RASSF4: variants seen among roughly 807,000 people sequenced by gnomAD.
RASSF4 encodes Ras association domain family member 4.
A neutral mutation model predicts 41.1 loss-of-function variants in RASSF4; 38 were observed. The observed-to-expected ratio is 0.92, with a 90% CI of 0.71 to 1.21. The LOEUF is 1.21. Among genes scored for constraint, RASSF4 ranks in the 50% most tolerant of loss-of-function variants. The pLI, the probability that RASSF4 is intolerant of heterozygous loss-of-function variation, is 0.00. For missense variants in RASSF4, 414 were observed against 419.4 expected (o/e 0.99, Z 0.11); for synonymous variants, 179 against 163.4 (o/e 1.10, Z -0.73).
intron 3 of RASSF4, among the ~76,000 whole-genome samples, chr10:44,975,528 A>C (rs986983785): frequency 3.3e-3 from 108 of 33,052 alleles, no homozygotes; most frequent in Admixed American, 4.8e-3. Context: ...CCCCAGCCCC[A>C]CTCCCCTCTC....
At chr10:44,965,441 T>G (rs770233912) in intron 1 of RASSF4, among the ~76,000 whole-genome samples, 1 of 152,240 alleles carries the variant, frequency 6.6e-6, no homozygotes, top group East Asian at 1.9e-4. Flanking sequence ...GCTAGCCACT[T>G]CTTTCAGGAT....
intron 2 of RASSF4, 159 bp downstream of exon 2, chr10:44,970,423 A>G: frequency 1.6e-6 from 1 of 619,792 alleles, no homozygotes; most frequent in African/African-American, 1.8e-5. Context: ...AGCCTGTCCA[A>G]TAGGGGATCC....
At chr10:44,988,477 G>T (rs1385470448) in intron 6 of RASSF4, among the ~76,000 whole-genome samples, 1 of 151,642 alleles carries the variant, frequency 6.6e-6, no homozygotes. Flanking sequence ...CAGCCAAATT[G>T]TGAAGAAGCT....
In RASSF4 at chr10:44,984,601, GTGACATTGTGACCC is replaced by G. The variant is rs1841846272; in HGVS notation, c.374-211_374-198del. ...CAGAGACCAAGAGGGGTATGGCCAT[GTGACATTGTGACCC>G]AGGTTACCCTGTCTGGGTCTCACCT... On this transcript the variant is annotated intron_variant, in intron 5 of 10. Coordinates refer to ENST00000340258, the MANE Select transcript of RASSF4 (RefSeq NM_032023.4). 5 of 611,544 alleles carry G rather than the reference GTGACATTGTGACCC, an allele frequency of 8.2e-6. No homozygotes were observed. In the African/African-American group the frequency reaches 9.2e-5, roughly 11 times the overall value. The allele number at this position is 611,544 out of a possible 1,614,324, so 37.9% of individuals were successfully genotyped here. A position where few individuals can be genotyped will look rare whatever the true frequency, so the allele number is the denominator to read the frequency against.
chr10:44,987,034 C>G (rs779561140), intron 6 of RASSF4, among the ~76,000 whole-genome samples: 2 of 152,188 alleles, frequency 1.3e-5, no homozygotes, highest in Non-Finnish European at 2.9e-5. Flanking sequence ...GAAAAGGCTT[C>G]GTGCAGAAGA....
chr10:44,966,838 A>G (rs1840921733), intron 1 of RASSF4, among the ~76,000 whole-genome samples: 4 of 152,238 alleles, frequency 2.6e-5, no homozygotes, highest in South Asian at 4.1e-4. Flanking sequence ...TATGACCCCT[A>G]GCTTCTTATG....
intron 3 of RASSF4, among the ~76,000 whole-genome samples, chr10:44,973,591 G>A (rs536200179): frequency 6.6e-6 from 1 of 152,332 alleles, no homozygotes; most frequent in East Asian, 1.9e-4. Context: ...CTGCTGAACC[G>A]AAAACACTTA....
intron 1 of RASSF4, among the ~76,000 whole-genome samples, chr10:44,962,219 C>T: frequency 6.6e-6 from 1 of 152,230 alleles, no homozygotes. Flanking sequence ...AACTCACATG[C>T]AAGGCTCTAC....
intron 3 of RASSF4, chr10:44,977,236 G>T: frequency 2.2e-6 from 2 of 898,570 alleles, no homozygotes; most frequent in Non-Finnish European, 1.7e-6. Flanking sequence ...ATCATATTCA[G>T]AGGGGGTCGG....
At chr10:44,985,055 G>A in intron 6 of RASSF4, 85 bp downstream of exon 6, 2 of 1,456,368 alleles carry the variant, frequency 1.4e-6, no homozygotes, top group Admixed American at 3.8e-5. Flanking sequence ...ACCTGTGTGG[G>A]GGCTGCTGGC....
chr10:44,987,071 T>G (rs937155086), intron 6 of RASSF4, among the ~76,000 whole-genome samples: 1 of 152,208 alleles, frequency 6.6e-6, no homozygotes, highest in African/African-American at 2.4e-5. Context: ...AACAAGACTT[T>G]TTGTCCCTTT....
At chr10:44,987,163 G>A (rs1273205601) in intron 6 of RASSF4, among the ~76,000 whole-genome samples, 1 of 152,160 alleles carries the variant, frequency 6.6e-6, no homozygotes, top group Non-Finnish European at 1.5e-5. Context: ...GGAGTGCAGT[G>A]GCACGATCTG....
At chr10:44,963,085 G>A (rs79986964) in intron 1 of RASSF4, among the ~76,000 whole-genome samples, 3,061 of 152,270 alleles carry the variant, frequency 0.02, 96 homozygotes, top group African/African-American at 0.068. Flanking sequence ...AGGGCAAGGC[G>A]GGAGTGGAGG....
chr10:44,982,397 G>A, intron 3 of RASSF4, 124 bp from the exon 4 acceptor site: 3 of 1,206,096 alleles, frequency 2.5e-6, no homozygotes, highest in Non-Finnish European at 3.6e-6. Context: ...CCTTCCTGAG[G>A]GGATGGGGCC....
chr10:44,974,553 A>T (rs1272835860), intron 3 of RASSF4, among the ~76,000 whole-genome samples: 4 of 152,174 alleles, frequency 2.6e-5, no homozygotes, highest in Admixed American at 6.5e-5. Context: ...TTGAGCCCCA[A>T]GCTAAGGGGC....
In RASSF4 at chr10:44,984,897, G is replaced by A. The variant is rs774117307; in HGVS notation, c.458G>A (p.Cys153Tyr). The A allele has an allele frequency of 5.0e-6, 8 of 1,613,462 alleles. No individual in the cohort carries two copies. In the Middle Eastern group the frequency reaches 9.9e-4, roughly 199 times the overall value. Residue 153 changes from cysteine (C) to tyrosine (Y), a missense_variant, in exon 6 of 11, where the codon TGC becomes TAC. Transcript: ENST00000340258. ...TGCATGAGCCAGAGGAGGCCCAAGTGCCGCGCCCCCGGTGAGGCCCAGCGC... is the reference window on the plus strand; with the variant it reads ...TGCATGAGCCAGAGGAGGCCCAAGTACCGCGCCCCCGGTGAGGCCCAGCGC... ...ASCMSQRRPKCRAPGEAQRIR... is the reference protein window; with the variant it reads ...ASCMSQRRPKYRAPGEAQRIR...
intron 3 of RASSF4, among the ~76,000 whole-genome samples, chr10:44,979,818 G>A (rs1841627739): frequency 6.6e-6 from 1 of 152,106 alleles, no homozygotes; most frequent in Admixed American, 6.5e-5. Flanking sequence ...CAAGGGCACT[G>A]CAGTCTGGCT....
At chr10:44,970,124 C>T in intron 1 of RASSF4, 41 bp from the exon 2 acceptor site, 3 of 1,294,746 alleles carry the variant, frequency 2.3e-6, no homozygotes, top group Admixed American at 1.7e-5. Context: ...GCCGGCACTC[C>T]TCTGGCTCAC....
intron 8 of RASSF4, 151 bp downstream of exon 8, chr10:44,989,872 A>T (rs1842048056): frequency 2.8e-6 from 2 of 711,988 alleles, no homozygotes; most frequent in African/African-American, 1.7e-5. Flanking sequence ...GCCTCCCAGC[A>T]TGAACATTTC....
Sources: allele counts gnomAD v4.1 joint callset (sites outside exome capture counted in the v4.1 genomes callset), GRCh38; gene constraint gnomAD v4.1.1; transcripts MANE v1.5; gene names NCBI Gene and HGNC (gene_info 2026-07-23, HGNC 2026-07-21).